TEX11: variants seen among roughly 807,000 people sequenced by gnomAD.
TEX11 encodes the protein testis-expressed protein 11.
A neutral mutation model predicts 84.4 loss-of-function variants in TEX11; 7 were observed. The ratio of observed to expected loss-of-function variants is 0.08; its 90% CI spans 0.05 to 0.16. The LOEUF (loss-of-function observed/expected upper bound fraction) is 0.16. Among genes scored for constraint, TEX11 ranks in the 10% least tolerant of loss-of-function variants. The probability of loss-of-function intolerance (pLI) is 1.00; values close to 1 mark genes in which losing one functional copy is unlikely to be tolerated. For missense variants in TEX11, 551 were observed against 660.5 expected (o/e 0.83, Z 1.82); for synonymous variants, 264 against 222.8 (o/e 1.18, Z -1.64).
intron 4 of TEX11, among the ~76,000 whole-genome samples, chrX:70,868,877 C>T (rs776951633): frequency 9.3e-6 from 1 of 107,978 alleles, no homozygotes; most frequent in East Asian, 2.9e-4. Context: ...GGCCTGTCAG[C>T]GGGTGGGGGC....
At chrX:70,745,001 G>A (rs1412462002) in intron 9 of TEX11, among the ~76,000 whole-genome samples, 2 of 109,454 alleles carry the variant, frequency 1.8e-5, no homozygotes, top group Non-Finnish European at 3.8e-5. Flanking sequence ...GCCCGACCCC[G>A]AATAAGTATA....
chrX:70,610,844 C>T (rs2089252423), intron 20 of TEX11, among the ~76,000 whole-genome samples: 1 of 112,073 alleles, frequency 8.9e-6, no homozygotes, highest in Admixed American at 9.5e-5. Context: ...AGCTGGTGAT[C>T]TCTGTGATTT....
intron 2 of TEX11, among the ~76,000 whole-genome samples, chrX:70,906,194 AT>A (rs1211196892): frequency 1.0e-5 from 1 of 98,454 alleles, no homozygotes; most frequent in Non-Finnish European, 2.0e-5. Context: ...GAAATATAAA[AT>A]AACTATTTAT....
At chrX:70,548,183 C>T (rs2088160950) in intron 28 of TEX11, among the ~76,000 whole-genome samples, 1 of 109,272 alleles carries the variant, frequency 9.2e-6, no homozygotes, top group Non-Finnish European at 1.9e-5. Flanking sequence ...AAACCAAACA[C>T]CACATGTTCT....
chrX:70,848,866 A>G (rs989108564), intron 7 of TEX11, among the ~76,000 whole-genome samples: 1 of 111,316 alleles, frequency 9.0e-6, no homozygotes, highest in Admixed American at 9.7e-5. Flanking sequence ...AGCTTCTACA[A>G]GTGGTCCTAC....
intron 25 of TEX11, among the ~76,000 whole-genome samples, chrX:70,575,091 T>C (rs1274728086): frequency 9.0e-6 from 1 of 111,076 alleles, no homozygotes; most frequent in Non-Finnish European, 1.9e-5. Context: ...TCCATTTAAA[T>C]GGGAAGTGCA....
At chrX:70,534,860 A>T (rs1424666319) in intron 28 of TEX11, among the ~76,000 whole-genome samples, 2 of 111,810 alleles carry the variant, frequency 1.8e-5, no homozygotes, top group African/African-American at 6.5e-5. Flanking sequence ...TTCTGCCACC[A>T]TCATCACAAT....
intron 16 of TEX11, among the ~76,000 whole-genome samples, chrX:70,653,175 G>GA (rs1306396807): frequency 4.5e-5 from 5 of 111,338 alleles, no homozygotes; most frequent in African/African-American, 1.6e-4. Flanking sequence ...ATCTATAAAA[G>GA]AAAAAACTGG....
At chrX:70,630,883 A>G (rs1330480363) in intron 17 of TEX11, among the ~76,000 whole-genome samples, 1 of 112,405 alleles carries the variant, frequency 8.9e-6, no homozygotes, top group Non-Finnish European at 1.9e-5. Context: ...TATTAATATC[A>G]GATAAAGTGA....
At chrX:70,825,583 G>A (rs2091341013) in intron 8 of TEX11, among the ~76,000 whole-genome samples, 3 of 111,351 alleles carry the variant, frequency 2.7e-5, no homozygotes, top group Non-Finnish European at 3.8e-5. Flanking sequence ...ACAACCTGTG[G>A]GCCAATATGG....
At chrX:70,750,011 G>C (rs1027997141) in intron 9 of TEX11, among the ~76,000 whole-genome samples, 1 of 110,459 alleles carries the variant, frequency 9.1e-6, no homozygotes, top group Non-Finnish European at 1.9e-5. Context: ...GAAAATTTTC[G>C]CAACCTACTC....
chrX:70,771,667 C>A (rs1193051759), intron 9 of TEX11, among the ~76,000 whole-genome samples: 2 of 112,299 alleles, frequency 1.8e-5, no homozygotes. Flanking sequence ...TTATGACAAC[C>A]ACAAATAACT....
Position 70,648,023 on chromosome X carries a change from T to A in TEX11, c.1483+3427A>T, listed in dbSNP as rs775131972. Among the ~76,000 whole-genome samples the A allele has an allele frequency of 8.0e-5, 9 of 112,129 alleles. No homozygotes were observed. The East Asian group carries it at 2.0e-3, about 24-fold the overall frequency. On this transcript the variant is annotated intron_variant, in intron 17 of 29. Coordinates refer to ENST00000374333, the MANE Select transcript of TEX11 (RefSeq NM_031276.3). ...GACTTGGAACCAACCCAAATGTCCA[T>A]CAATGATAGACTGGATTAAGAAAAT...
chrX:70,906,937 A>C (rs761465621), intron 2 of TEX11, among the ~76,000 whole-genome samples: 48 of 112,210 alleles, frequency 4.3e-4, no homozygotes, highest in African/African-American at 1.2e-3. Context: ...ATTATTCCCC[A>C]AAAACAAAGA....
intron 15 of TEX11, among the ~76,000 whole-genome samples, chrX:70,671,783 C>T (rs2090023584): frequency 9.5e-6 from 1 of 105,739 alleles, no homozygotes; most frequent in Non-Finnish European, 1.9e-5. Context: ...ACATCTTTCT[C>T]CTACAAAACC....
At chrX:70,569,661 T>C (rs1433532438) in intron 25 of TEX11, among the ~76,000 whole-genome samples, 1 of 112,039 alleles carries the variant, frequency 8.9e-6, no homozygotes, top group Non-Finnish European at 1.9e-5. Flanking sequence ...TGGAGTTTGC[T>C]AGAGGTCCAC....
rs780165974 is a variant in TEX11 at position 70,705,397 on chromosome X, T to C, written c.1004+17221A>G. 5.4e-5 allele frequency among the ~76,000 whole-genome samples: 6 copies of C among 111,711 alleles called. 1 individual carries two copies. The highest frequency in any genetic ancestry group is 7.5e-4 in the South Asian group (2 of 2,681). ...TAAATTACCTTGGGCAGTATGGCTA[T>C]TTTCACAATATTGATTCTTCCTATG... On this transcript the variant is annotated intron_variant, in intron 13 of 29. Coordinates refer to ENST00000374333, the MANE Select transcript of TEX11 (RefSeq NM_031276.3).
intron 2 of TEX11, among the ~76,000 whole-genome samples, chrX:70,889,998 T>C (rs778511426): frequency 1.3e-4 from 14 of 110,913 alleles, no homozygotes; most frequent in Non-Finnish European, 2.6e-4. Context: ...AGTGGCTAAA[T>C]TGAGAAAACA....
chrX:70,741,749 C>G (rs1397844428), intron 10 of TEX11, among the ~76,000 whole-genome samples: 1 of 110,638 alleles, frequency 9.0e-6, no homozygotes, highest in Non-Finnish European at 1.9e-5. Context: ...AGATCCCTTG[C>G]CTGGAGTCAT....
Sources: allele counts gnomAD v4.1 joint callset (sites outside exome capture counted in the v4.1 genomes callset), GRCh38; gene constraint gnomAD v4.1.1; transcripts MANE v1.5; gene names NCBI Gene and HGNC (gene_info 2026-07-23, HGNC 2026-07-21).